The following RBM41 variants were observed in gnomAD, a reference collection of about 807,000 sequenced individuals.
The protein encoded by RBM41 is RNA-binding protein 41.
A neutral mutation model predicts 30.8 loss-of-function variants in RBM41; 14 were observed. That is an observed-to-expected ratio of 0.45 (90% CI 0.30 to 0.71). RBM41 has a LOEUF of 0.71. Among genes scored for constraint, RBM41 ranks in the 30% least tolerant of loss-of-function variants. The probability of loss-of-function intolerance (pLI) is 0.08; values close to 1 mark genes in which losing one functional copy is unlikely to be tolerated. For synonymous variants in RBM41, 120 were observed against 110.1 expected (o/e 1.09, Z -0.56); for missense variants, 276 against 326.3 (o/e 0.85, Z 1.19).
the RBM41 span, among the ~76,000 whole-genome samples, chrX:107,053,682 G>A: frequency 3.6e-5 from 4 of 110,906 alleles, no homozygotes; most frequent in South Asian, 3.9e-4. Context: ...GTAGTTTTGA[G>A]AGAACTAGTC....
At chrX:107,100,147 T>C (rs1412569003) in intron 5 of RBM41, among the ~76,000 whole-genome samples, 1 of 111,832 alleles carries the variant, frequency 8.9e-6, no homozygotes, top group Admixed American at 9.5e-5. Flanking sequence ...AAAATAACAC[T>C]TGACTAAAGG....
chrX:107,072,693 G>T (rs1438757912), intron 6 of RBM41, among the ~76,000 whole-genome samples: 3 of 111,117 alleles, frequency 2.7e-5, no homozygotes, highest in African/African-American at 6.5e-5. Flanking sequence ...CAGCAATCCT[G>T]AACAAAAATA....
intron 5 of RBM41, among the ~76,000 whole-genome samples, chrX:107,112,288 C>G (rs1924554989): frequency 9.0e-6 from 1 of 111,504 alleles, no homozygotes; most frequent in African/African-American, 3.3e-5. Context: ...GAAAGATGTT[C>G]AACATCATTA....
At chrX:107,087,344 ATCAG>A (rs1012277264) in intron 6 of RBM41, among the ~76,000 whole-genome samples, 8 of 111,483 alleles carry the variant, frequency 7.2e-5, no homozygotes, top group African/African-American at 1.6e-4. Flanking sequence ...TAGAAATTCA[ATCAG>A]TCAAACAAAC....
chrX:107,084,769 G>C (rs1478529626), intron 6 of RBM41, among the ~76,000 whole-genome samples: 1 of 111,714 alleles, frequency 9.0e-6, no homozygotes, highest in East Asian at 2.8e-4. Context: ...ATTACAGTTT[G>C]CCCTGTGACT....
intron 6 of RBM41, among the ~76,000 whole-genome samples, chrX:107,082,278 T>C (rs746388927): frequency 5.6e-4 from 63 of 112,143 alleles, no homozygotes; most frequent in African/African-American, 2.0e-3. Flanking sequence ...CATATGATTT[T>C]ACTTCTTTAG....
the RBM41 span, among the ~76,000 whole-genome samples, chrX:107,054,062 A>G: frequency 8.1e-5 from 9 of 110,535 alleles, no homozygotes; most frequent in African/African-American, 3.0e-4. Flanking sequence ...GTACAGCAGC[A>G]TGGAGGGGGT....
chrX:107,076,021 T>C (rs1936211225), intron 6 of RBM41, among the ~76,000 whole-genome samples: 1 of 111,305 alleles, frequency 9.0e-6, no homozygotes, highest in African/African-American at 3.3e-5. Context: ...ATATGTGGCA[T>C]ATAAATACAA....
chrX:107,113,976 T>C (rs1394941514), intron 4 of RBM41, among the ~76,000 whole-genome samples: 1 of 111,627 alleles, frequency 9.0e-6, no homozygotes, highest in Non-Finnish European at 1.9e-5. Flanking sequence ...CTCCTCAACA[T>C]CTGCATTTGA....
intron 7 of RBM41, 103 bp downstream of exon 7, chrX:107,069,152 T>C: frequency 2.7e-6 from 2 of 742,438 alleles, no homozygotes; most frequent in South Asian, 3.3e-5. Flanking sequence ...TGTTCTCACA[T>C]GCTGTGGAGA....
downstream of RBM41, among the ~76,000 whole-genome samples, chrX:107,061,195 A>G (rs1490916746): frequency 8.9e-6 from 1 of 112,185 alleles, no homozygotes. Context: ...TGGCAAAATT[A>G]AAATAAGGTC....
intron 5 of RBM41, among the ~76,000 whole-genome samples, chrX:107,096,702 T>C (rs904263159): frequency 8.9e-6 from 1 of 111,756 alleles, no homozygotes; most frequent in African/African-American, 3.2e-5. Context: ...TTCTTAGATA[T>C]GACACCAAAA....
At chrX:107,091,535 A>G (rs886726661) in intron 5 of RBM41, among the ~76,000 whole-genome samples, 2 of 111,857 alleles carry the variant, frequency 1.8e-5, no homozygotes, top group African/African-American at 6.5e-5. Flanking sequence ...ATGATGCAAA[A>G]TATTTACATG....
intron 5 of RBM41, among the ~76,000 whole-genome samples, chrX:107,101,408 G>A (rs1923449856): frequency 9.0e-6 from 1 of 111,555 alleles, no homozygotes; most frequent in Non-Finnish European, 1.9e-5. Flanking sequence ...GACCTTATTT[G>A]GAAATAGGGT....
At chrX:107,080,113 G>A (rs1921368708) in intron 6 of RBM41, among the ~76,000 whole-genome samples, 1 of 111,346 alleles carries the variant, frequency 9.0e-6, no homozygotes, top group Admixed American at 9.6e-5. Context: ...GTTGAACACA[G>A]GCTTTTCAAA....
intron 6 of RBM41, among the ~76,000 whole-genome samples, chrX:107,080,137 T>C (rs917998754): frequency 9.0e-6 from 1 of 111,235 alleles, no homozygotes; most frequent in African/African-American, 3.3e-5. Flanking sequence ...ACTGGGTAAA[T>C]AAGTAGGAAT....
At chrX:107,053,623 G>A in the RBM41 span, among the ~76,000 whole-genome samples, 2 of 111,480 alleles carry the variant, frequency 1.8e-5, no homozygotes, top group Non-Finnish European at 3.8e-5. Flanking sequence ...CCGAGTGAGG[G>A]TGGTATTAAA....
chrX:107,093,859 T>C (rs1274996756), intron 5 of RBM41, among the ~76,000 whole-genome samples: 1 of 111,781 alleles, frequency 8.9e-6, no homozygotes, highest in Non-Finnish European at 1.9e-5. Context: ...AACAAGAAAG[T>C]AAGAGAGAAG....
At chrX:107,117,090 T>C (rs1362353865) in intron 1 of RBM41, among the ~76,000 whole-genome samples, 3 of 111,616 alleles carry the variant, frequency 2.7e-5, no homozygotes, top group Admixed American at 9.5e-5. Context: ...GAGAGAATAA[T>C]AACACATAGA....
Sources: allele counts gnomAD v4.1 joint callset (sites outside exome capture counted in the v4.1 genomes callset), GRCh38; gene constraint gnomAD v4.1.1; transcripts MANE v1.5; gene names NCBI Gene and HGNC (gene_info 2026-07-23, HGNC 2026-07-21).